Variants in TWF1 observed in about 807,000 individuals in gnomAD.
TWF1 encodes the protein twinfilin-1.
Under a neutral mutation model 47.9 loss-of-function variants are expected in TWF1, and 14 were observed. The ratio of observed to expected loss-of-function variants is 0.29; its 90% CI spans 0.19 to 0.46. The LOEUF (loss-of-function observed/expected upper bound fraction) is 0.46. TWF1 is among the 20% of genes least tolerant of loss of function. The probability of loss-of-function intolerance (pLI) is 1.00; values close to 1 mark genes in which losing one functional copy is unlikely to be tolerated. For synonymous variants in TWF1, 96 were observed against 139.2 expected (o/e 0.69, Z 2.18); for missense variants, 281 against 409.3 (o/e 0.69, Z 2.70).
At chr12:43,799,371 T>C (rs758759163) in intron 5 of TWF1, 27 bp downstream of exon 5, 2 of 1,444,478 alleles carry the variant, frequency 1.4e-6, no homozygotes, top group Non-Finnish European at 1.9e-6. Context: ...CTTAAAATCT[T>C]GCAAAGACTT....
intron 4 of TWF1, 42 bp from the exon 5 acceptor site, chr12:43,799,544 G>T (rs754449561): frequency 1.2e-4 from 140 of 1,180,124 alleles, no homozygotes; most frequent in Non-Finnish European, 1.6e-4. Flanking sequence ...TTCTCTAGAA[G>T]TAAAATGACA....
At chr12:43,800,606 TTAA>T (rs1942642204) in intron 3 of TWF1, 76 bp from the exon 4 acceptor site, 2 of 1,137,010 alleles carry the variant, frequency 1.8e-6, no homozygotes, top group African/African-American at 3.1e-5. Flanking sequence ...TCTGAATATA[TTAA>T]TATCCTGAAT....
chr12:43,800,376 G>T lies in TWF1; in HGVS notation c.378+59C>A. On this transcript the variant is annotated intron_variant, in intron 4 of 8. Transcript: ENST00000395510. ...ATTCGTATCAATTACCCATTACCTA[G>T]GAGTTCCTCTTTAATCATTTTAATT... is the stretch of plus-strand genomic sequence containing the variant. The T allele has an allele frequency of 2.4e-6, 3 of 1,261,142 alleles. No individual in the cohort carries two copies. In the South Asian group the frequency reaches 3.8e-5, roughly 16 times the overall value. 78.1% of individuals were successfully genotyped at this position (1,261,142 alleles called of 1,614,324 possible). A position where few individuals can be genotyped will look rare whatever the true frequency, so the allele number is the denominator to read the frequency against.
At chr12:43,800,374 T>A (rs990835454) in intron 4 of TWF1, 61 bp downstream of exon 4, 1 of 1,249,802 alleles carries the variant, frequency 8.0e-7, no homozygotes, top group Non-Finnish European at 1.1e-6. Flanking sequence ...ACCCATTACC[T>A]AGGAGTTCCT....
chr12:43,805,630 G>A (rs1323819778), intron 1 of TWF1: 1 of 510,530 alleles, frequency 2.0e-6, no homozygotes, highest in Non-Finnish European at 3.6e-6. Context: ...GTTTCCCTTG[G>A]GGAGTATCTA....
At chr12:43,798,241 T>G (rs774840158) in intron 5 of TWF1, among the ~76,000 whole-genome samples, 1 of 152,150 alleles carries the variant, frequency 6.6e-6, no homozygotes, top group Non-Finnish European at 1.5e-5. Flanking sequence ...ACAAACATCA[T>G]GCACTGAATT....
intron 4 of TWF1, 131 bp from the exon 5 acceptor site, chr12:43,799,633 A>T: frequency 1.9e-6 from 1 of 517,848 alleles, no homozygotes; most frequent in Non-Finnish European, 3.3e-6. Flanking sequence ...GAATTTTAAT[A>T]TCTTTTTACT....
rs377225893 is a variant in TWF1, at chr12:43,795,609, C to T, written c.1029G>A (p.Ala343=). The change falls in exon 9 of 9, where the codon GCG becomes GCA. Residue 343 remains alanine (A), a synonymous_variant. Transcript: ENST00000395510. ...RGIRRLIRGP[A]ETEATTD ...TTTAATCAGTAGTAGCTTCAGTTTC[C>T]GCTGGGCCCCTAATTAGTCTTCGAA... 1.1e-5 allele frequency: 17 copies of T among 1,611,816 alleles called. No homozygotes were observed. Among genetic ancestry groups the T allele is most frequent in the Admixed American group, 3.3e-5 (2 of 59,968 alleles).
rs2138124665 is a variant in TWF1 at position 43,795,533 on chromosome 12, C to A, written c.*52G>T. ...ATGGAATGATTTCAGTTCTCCTGTACTAAAAGCTGGACTTTTAAAAAACTA... is the reference window on the plus strand; with the variant it reads ...ATGGAATGATTTCAGTTCTCCTGTAATAAAAGCTGGACTTTTAAAAAACTA... On this transcript the variant is annotated 3_prime_UTR_variant, in exon 9 of 9. Coordinates refer to ENST00000395510, the MANE Select transcript of TWF1 (RefSeq NM_002822.5). The A allele has an allele frequency of 6.4e-7, 1 of 1,550,722 alleles. No individual in the cohort carries two copies. The highest frequency in any genetic ancestry group is 8.8e-7 in the Non-Finnish European group (1 of 1,138,604).
chr12:43,798,613 C>G, intron 5 of TWF1: 1 of 1,471,760 alleles, frequency 6.8e-7, no homozygotes, highest in Non-Finnish European at 9.0e-7. Context: ...AACAAACTAT[C>G]AAACTCGTAA....
At chr12:43,796,062 C>T (rs1045034363) in intron 8 of TWF1, among the ~76,000 whole-genome samples, 13 of 152,184 alleles carry the variant, frequency 8.5e-5, no homozygotes, top group Non-Finnish European at 1.9e-4. Flanking sequence ...GGAACATTTA[C>T]TCATGACCCT....
Position 43,795,388 on chromosome 12 carries a change from T to C in TWF1, c.*197A>G. 1.9e-6 allele frequency: 1 copy of C among 529,034 alleles called. No homozygotes were observed. Among genetic ancestry groups the C allele is most frequent in the East Asian group, 3.0e-5 (1 of 33,724 alleles). The allele number at this position is 529,034 out of a possible 1,614,324, so 32.8% of individuals were successfully genotyped here. A position where few individuals can be genotyped will look rare whatever the true frequency, so the allele number is the denominator to read the frequency against. On this transcript the variant is annotated 3_prime_UTR_variant, in exon 9 of 9. Transcript: ENST00000395510. ...AATTAAACATTATGTTGAACCCTTT[T>C]CTAGCTTTAACTCAAAAATAGAAAT...
In TWF1 at chr12:43,795,416, T is replaced by C. The variant is rs1942531250; in HGVS notation, c.*169A>G. 3.6e-6 allele frequency: 2 copies of C among 556,120 alleles called. No individual in the cohort carries two copies. Among genetic ancestry groups the C allele is most frequent in the Non-Finnish European group, 6.3e-6 (2 of 314,972 alleles). 34.4% of individuals were successfully genotyped at this position (556,120 alleles called of 1,614,324 possible). On this transcript the variant is annotated 3_prime_UTR_variant, in exon 9 of 9. Transcript: ENST00000395510. ...AGCTTTAACTCAAAAATAGAAATCA[T>C]GAGTCTTCTATAACATTAATTTTAA...
At chr12:43,803,774 A>G (rs997474227) in intron 2 of TWF1, among the ~76,000 whole-genome samples, 1 of 152,140 alleles carries the variant, frequency 6.6e-6, no homozygotes, top group African/African-American at 2.4e-5. Context: ...TAAGCAGAAA[A>G]TAGAAAACAA....
At chr12:43,804,261 G>C in intron 2 of TWF1, 1 of 516,722 alleles carries the variant, frequency 1.9e-6, no homozygotes, top group Non-Finnish European at 3.7e-6. Flanking sequence ...AAAAGTAAAA[G>C]AGGAAGAAGT....
In TWF1 at chr12:43,799,470, G is replaced by A; in HGVS notation, c.411C>T (p.Tyr137=). 6.2e-7 allele frequency: 1 copy of A among 1,608,838 alleles called. No homozygotes were observed. Among genetic ancestry groups the A allele is most frequent in the Non-Finnish European group, 8.5e-7 (1 of 1,176,704 alleles). ...GGGCAGGGGAAGATTGTGACAGCAA[G>A]TATTTTTTATATCCATGTAATGATA... ...EDVSLHGYKK[Y]LLSQSSPAPL... The change falls in exon 5 of 9, where the codon TAC becomes TAT. Residue 137 remains tyrosine (Y), a synonymous_variant. Coordinates refer to ENST00000395510, the MANE Select transcript of TWF1 (RefSeq NM_002822.5).
At chr12:43,795,883 C>T in intron 8 of TWF1, 128 bp from the exon 9 acceptor site, 2 of 831,612 alleles carry the variant, frequency 2.4e-6, no homozygotes, top group Non-Finnish European at 3.6e-6. Flanking sequence ...CATATGTAAA[C>T]AGTTTCACTT....
intron 5 of TWF1, among the ~76,000 whole-genome samples, chr12:43,798,223 A>T (rs1205165612): frequency 1.3e-5 from 2 of 152,146 alleles, no homozygotes; most frequent in Admixed American, 6.6e-5. Context: ...TTGGACAGAA[A>T]ATGCAACACA....
rs780400342 is a variant in TWF1, at chr12:43,797,410, T to C, written c.652A>G (p.Thr218Ala). ...GGCAAATCTTTCAGTTCTGTATTTG[T>C]TGTGTTGGCCAAAATTATAATTTCA... ...KNEIIILANTTNTELKDLPKR... is the reference protein window; with the variant it reads ...KNEIIILANTANTELKDLPKR... Residue 218 changes from threonine to alanine, a missense_variant, in exon 7 of 9, where the codon ACA (threonine) becomes GCA (alanine). By Grantham distance (58) the Thr-to-Ala change is moderately conservative. Transcript: ENST00000395510. 2 of 1,600,090 alleles carry C rather than the reference T, an allele frequency of 1.2e-6. No individual in the cohort carries two copies. The highest frequency in any genetic ancestry group is 1.7e-6 in the Non-Finnish European group (2 of 1,173,714).
Sources: allele counts gnomAD v4.1 joint callset (sites outside exome capture counted in the v4.1 genomes callset), GRCh38; gene constraint gnomAD v4.1.1; transcripts MANE v1.5; gene names NCBI Gene and HGNC (gene_info 2026-07-23, HGNC 2026-07-21).